The following VPS8 variants were observed in gnomAD, a reference collection of about 807,000 sequenced individuals.
VPS8 encodes vacuolar protein sorting-associated protein 8 homolog.
In VPS8, 129 loss-of-function variants were observed where a neutral mutation model predicts 216.4. That is an observed-to-expected ratio of 0.60 (90% CI 0.52 to 0.69). VPS8 has a LOEUF of 0.69. Among genes scored for constraint, VPS8 ranks in the 30% least tolerant of loss-of-function variants. The probability of loss-of-function intolerance (pLI) is 0.00; values close to 1 mark genes in which losing one functional copy is unlikely to be tolerated. For synonymous variants in VPS8, 571 were observed against 565.4 expected (o/e 1.01, Z -0.14); for missense variants, 1,531 against 1,683.5 (o/e 0.91, Z 1.59).
chr3:184,852,074 A>G (rs1405511209), intron 10 of VPS8, among the ~76,000 whole-genome samples: 3 of 152,222 alleles, frequency 2.0e-5, no homozygotes, highest in Non-Finnish European at 4.4e-5. Context: ...AGACATATTC[A>G]GATAAGTTTA....
intron 36 of VPS8, among the ~76,000 whole-genome samples, chr3:184,955,031 C>T (rs746589385): frequency 5.3e-5 from 8 of 152,098 alleles, no homozygotes; most frequent in South Asian, 2.1e-4. Flanking sequence ...ACATAAGGGC[C>T]GCTTGAGGGC....
chr3:184,969,114 T>TA (rs1205462067), intron 39 of VPS8, among the ~76,000 whole-genome samples: 1 of 152,178 alleles, frequency 6.6e-6, no homozygotes, highest in Non-Finnish European at 1.5e-5. Context: ...GTTATAAGAA[T>TA]AACTTTTTGT....
intron 6 of VPS8, chr3:184,839,238 TC>T (rs1434097718): frequency 5.7e-6 from 1 of 175,860 alleles, no homozygotes; most frequent in African/African-American, 2.4e-5. Flanking sequence ...TTTTTAGCAT[TC>T]CTTTTAGTCA....
At position 184,936,292 on chromosome 3, in the gene VPS8, C is replaced by T. The variant is rs1464926334; in HGVS notation, c.2945C>T (p.Thr982Ile). The T allele has an allele frequency of 6.2e-7, 1 of 1,611,858 alleles. No individual in the cohort carries two copies. Among genetic ancestry groups the T allele is most frequent in the Non-Finnish European group, 8.5e-7 (1 of 1,179,060 alleles). Residue 982 changes from threonine to isoleucine, a missense_variant, in exon 35 of 48, where the codon ACC (threonine) becomes ATC (isoleucine). By Grantham distance (89) the Thr-to-Ile change is moderately conservative. Coordinates refer to ENST00000625842, the MANE Select transcript of VPS8 (RefSeq NM_001009921.3). ...TGTAAAGCTGCGGAGCTGGTTGCCA[C>T]CCACTTTTCTGGACATATTGAAACG... ...KPCKAAELVA[T>I]HFSGHIETVI...
In VPS8 at chr3:184,850,968, C is replaced by A. The variant is rs1216928324; in HGVS notation, c.753+946C>A. Reference sequence around the variant, plus strand: ...GCATTATGGCAAAGTATCTTGACCTCTTTTCATATGGCTTGTGCCAACTTC... The same window carrying A: ...GCATTATGGCAAAGTATCTTGACCTATTTTCATATGGCTTGTGCCAACTTC... On this transcript the variant is annotated intron_variant, in intron 10 of 47. Coordinates refer to ENST00000625842, the MANE Select transcript of VPS8 (RefSeq NM_001009921.3). Among the ~76,000 whole-genome samples, 3 of 152,228 alleles carry A rather than the reference C, an allele frequency of 2.0e-5. No individual in the cohort carries two copies. The East Asian group carries it at 5.8e-4, about 29-fold the overall frequency.
intron 37 of VPS8, among the ~76,000 whole-genome samples, chr3:184,961,882 T>C (rs1746591543): frequency 6.6e-6 from 1 of 152,132 alleles, no homozygotes; most frequent in Non-Finnish European, 1.5e-5. Context: ...TTCTCCTACC[T>C]CAGCCTCCCA....
chr3:184,920,022 T>G, intron 28 of VPS8, 105 bp from the exon 29 acceptor site: 1 of 826,514 alleles, frequency 1.2e-6, no homozygotes. Context: ...AATAGTTATC[T>G]TATTTGAGAA....
chr3:185,044,959 T>C (rs1339780971), intron 46 of VPS8, among the ~76,000 whole-genome samples: 1 of 152,192 alleles, frequency 6.6e-6, no homozygotes, highest in Non-Finnish European at 1.5e-5. Flanking sequence ...TGGCTTTTCC[T>C]TTATCTCTGA....
chr3:184,984,894 A>T (rs1463306940), intron 42 of VPS8, among the ~76,000 whole-genome samples: 1 of 152,038 alleles, frequency 6.6e-6, no homozygotes, highest in African/African-American at 2.4e-5. Flanking sequence ...TGGCAAAAAC[A>T]TGATTTTTAA....
At chr3:184,906,356 A>G (rs1735491587) in intron 25 of VPS8, among the ~76,000 whole-genome samples, 5 of 152,190 alleles carry the variant, frequency 3.3e-5, no homozygotes, top group Admixed American at 3.3e-4. Flanking sequence ...TCTGTTCTCT[A>G]GAATGTTCTA....
chr3:185,048,801 G>A (rs893516477), intron 47 of VPS8, among the ~76,000 whole-genome samples: 3 of 152,114 alleles, frequency 2.0e-5, no homozygotes, highest in Non-Finnish European at 4.4e-5. Flanking sequence ...GGACACAGAA[G>A]GGCCTCTGTG....
chr3:184,876,219 T>G (rs1729248819), intron 21 of VPS8, among the ~76,000 whole-genome samples: 1 of 152,216 alleles, frequency 6.6e-6, no homozygotes. Context: ...CTTTGTTTAT[T>G]CTTCTTCCTT....
chr3:184,920,066 C>T (rs1416975281), intron 28 of VPS8, 61 bp from the exon 29 acceptor site: 3 of 1,143,742 alleles, frequency 2.6e-6, no homozygotes, highest in South Asian at 1.5e-5. Context: ...AATTTAATAA[C>T]TTGTTTTCTT....
intron 40 of VPS8, among the ~76,000 whole-genome samples, chr3:184,978,923 G>A (rs1027632126): frequency 2.0e-5 from 3 of 152,044 alleles, no homozygotes; most frequent in South Asian, 2.1e-4. Context: ...CTAACTTTTC[G>A]ATGTGGGCAT....
intron 35 of VPS8, 149 bp downstream of exon 35, chr3:184,936,484 T>C: frequency 1.4e-6 from 1 of 711,586 alleles, no homozygotes; most frequent in South Asian, 1.8e-5. Flanking sequence ...ATTGTGGTTT[T>C]TGCCATTTCT....
At position 184,966,605 on chromosome 3, in the gene VPS8, C is replaced by G; in HGVS notation, c.3274-66C>G. 4 of 1,111,244 alleles carry G rather than the reference C, an allele frequency of 3.6e-6. No homozygotes were observed. In the South Asian group the frequency reaches 7.5e-5, roughly 21 times the overall value. The allele number at this position is 1,111,244 out of a possible 1,614,324, so 68.8% of individuals were successfully genotyped here. ...GGTTTACCTTTAAAATATGTTAATT[C>G]AAGTATTGGGTGGGTAGAACTATAA... On this transcript the variant is annotated intron_variant, in intron 38 of 47. Transcript: ENST00000625842.
At chr3:185,011,375 G>C (rs1489024141) in intron 45 of VPS8, among the ~76,000 whole-genome samples, 1 of 152,194 alleles carries the variant, frequency 6.6e-6, no homozygotes, top group Non-Finnish European at 1.5e-5. Flanking sequence ...GGAGAAAAGA[G>C]CTTGAATACC....
intron 6 of VPS8, 128 bp downstream of exon 6, chr3:184,838,874 A>G: frequency 4.2e-6 from 3 of 717,266 alleles, no homozygotes; most frequent in East Asian, 3.1e-5. Flanking sequence ...TTTTACTGCC[A>G]GTAATCAGGT....
intron 36 of VPS8, among the ~76,000 whole-genome samples, chr3:184,951,800 GT>G (rs1245517704): frequency 6.6e-6 from 1 of 152,238 alleles, no homozygotes; most frequent in African/African-American, 2.4e-5. Context: ...ATAAGCAACA[GT>G]CAGAAATGGA....
Sources: allele counts gnomAD v4.1 joint callset (sites outside exome capture counted in the v4.1 genomes callset), GRCh38; gene constraint gnomAD v4.1.1; transcripts MANE v1.5; gene names NCBI Gene and HGNC (gene_info 2026-07-23, HGNC 2026-07-21).